Variants in IL1RAPL2 observed in about 807,000 individuals in gnomAD.
The protein encoded by IL1RAPL2 is interleukin 1 receptor accessory protein like 2.
Under a neutral mutation model 44.1 loss-of-function variants are expected in IL1RAPL2, and 3 were observed. The ratio of observed to expected loss-of-function variants is 0.07; its 90% CI spans 0.03 to 0.18. The LOEUF (loss-of-function observed/expected upper bound fraction) is 0.18. IL1RAPL2 is among the 10% of genes least tolerant of loss of function. The pLI, the probability that IL1RAPL2 is intolerant of heterozygous loss-of-function variation, is 1.00. For missense variants in IL1RAPL2, 391 were observed against 496.4 expected (o/e 0.79, Z 2.02); for synonymous variants, 181 against 178.8 (o/e 1.01, Z -0.10).
intron 6 of IL1RAPL2, among the ~76,000 whole-genome samples, chrX:105,629,205 A>G (rs1449000756): frequency 9.0e-6 from 1 of 111,582 alleles, no homozygotes; most frequent in African/African-American, 3.3e-5. Context: ...TGGGCTTAGA[A>G]GCAGTAGGTT....
intron 1 of IL1RAPL2, among the ~76,000 whole-genome samples, chrX:104,606,285 ACT>A (rs1929008375): frequency 9.0e-6 from 1 of 111,471 alleles, no homozygotes; most frequent in Non-Finnish European, 1.9e-5. Context: ...CATGCTAAAA[ACT>A]CTCAATAAAT....
intron 2 of IL1RAPL2, among the ~76,000 whole-genome samples, chrX:104,676,893 G>T (rs966067451): frequency 9.0e-6 from 1 of 110,916 alleles, no homozygotes. Flanking sequence ...TGATCACATC[G>T]GCTCTTGAGG....
chrX:104,717,832 A>G (rs1271215963), intron 2 of IL1RAPL2, among the ~76,000 whole-genome samples: 1 of 104,076 alleles, frequency 9.6e-6, no homozygotes, highest in East Asian at 3.0e-4. Context: ...TTCAATTCCC[A>G]CCTATGAGTG....
chrX:105,182,802 A>G lies in IL1RAPL2; in HGVS notation c.83-12673A>G, dbSNP rs1210027237. Reference sequence around the variant, plus strand: ...TGGATAGGATCTTGGACTCCTGGCCAGCATGTGTGGCATCAGCAATAATAG... The same window carrying G: ...TGGATAGGATCTTGGACTCCTGGCCGGCATGTGTGGCATCAGCAATAATAG... On this transcript the variant is annotated intron_variant, in intron 2 of 10. Coordinates refer to ENST00000372582, the MANE Select transcript of IL1RAPL2 (RefSeq NM_017416.2). 3.6e-5 allele frequency among the ~76,000 whole-genome samples: 4 copies of G among 111,277 alleles called. No homozygotes were observed. The East Asian group carries it at 8.5e-4, about 24-fold the overall frequency.
intron 2 of IL1RAPL2, among the ~76,000 whole-genome samples, chrX:104,855,263 A>G (rs1211673059): frequency 1.8e-5 from 2 of 111,752 alleles, no homozygotes; most frequent in Non-Finnish European, 3.8e-5. Flanking sequence ...TCAGGATTCC[A>G]GGGCGATAGA....
intron 2 of IL1RAPL2, among the ~76,000 whole-genome samples, chrX:105,060,871 T>C (rs1200266064): frequency 9.0e-6 from 1 of 110,776 alleles, no homozygotes; most frequent in Non-Finnish European, 1.9e-5. Context: ...TCCTTTAAAT[T>C]TCTGCAGTAT....
rs55638866 is a variant in IL1RAPL2, at chrX:105,076,293, G to T, written c.83-119182G>T. Among the ~76,000 whole-genome samples the T allele has an allele frequency of 1.2e-4, 13 of 110,854 alleles. 1 individual carries two copies. The East Asian group carries it at 3.7e-3, about 31-fold the overall frequency. On this transcript the variant is annotated intron_variant, in intron 2 of 10. Transcript: ENST00000372582. Reference sequence around the variant, plus strand: ...ACATCTTTATTTCTGCCTTCATTTCGTTATGTAGCCAGTAGTCATTCAGGA... The same window carrying T: ...ACATCTTTATTTCTGCCTTCATTTCTTTATGTAGCCAGTAGTCATTCAGGA...
intron 5 of IL1RAPL2, among the ~76,000 whole-genome samples, chrX:105,338,592 A>G (rs1190650077): frequency 3.6e-5 from 4 of 111,921 alleles, no homozygotes; most frequent in African/African-American, 1.3e-4. Flanking sequence ...TTATCATAGC[A>G]TTGCATATAG....
At chrX:104,980,261 C>T (rs1003427244) in intron 2 of IL1RAPL2, among the ~76,000 whole-genome samples, 8 of 111,515 alleles carry the variant, frequency 7.2e-5, no homozygotes, top group South Asian at 3.7e-4. Context: ...CAAAGAAAAA[C>T]ATGAATATAT....
intron 6 of IL1RAPL2, among the ~76,000 whole-genome samples, chrX:105,697,114 T>C (rs1454356736): frequency 2.7e-5 from 3 of 110,053 alleles, no homozygotes; most frequent in Non-Finnish European, 5.7e-5. Context: ...CATGAACTAA[T>C]AGAGCTCTCG....
At chrX:105,702,860 GT>G (rs749603618) in intron 6 of IL1RAPL2, among the ~76,000 whole-genome samples, 4 of 111,853 alleles carry the variant, frequency 3.6e-5, no homozygotes, top group Non-Finnish European at 5.7e-5. Flanking sequence ...AGATGATCTG[GT>G]TGTAAGGATC....
At chrX:105,681,535 A>G (rs2037925519) in intron 6 of IL1RAPL2, among the ~76,000 whole-genome samples, 1 of 112,402 alleles carries the variant, frequency 8.9e-6, no homozygotes. Context: ...AGGCGGGTAG[A>G]TCACCTGAGG....
chrX:105,000,093 A>G (rs1001432398), intron 2 of IL1RAPL2, among the ~76,000 whole-genome samples: 1 of 110,628 alleles, frequency 9.0e-6, no homozygotes, highest in East Asian at 2.9e-4. Flanking sequence ...AAGCCTTTAT[A>G]GATTCAATCC....
At chrX:104,909,031 C>CT (rs1448861398) in intron 2 of IL1RAPL2, among the ~76,000 whole-genome samples, 1 of 110,410 alleles carries the variant, frequency 9.1e-6, no homozygotes. Context: ...TTCTTGGAGG[C>CT]TTTGCTCATT....
At chrX:104,713,611 A>G (rs1264406878) in intron 2 of IL1RAPL2, among the ~76,000 whole-genome samples, 1 of 110,891 alleles carries the variant, frequency 9.0e-6, no homozygotes, top group East Asian at 2.8e-4. Flanking sequence ...ATATATATAT[A>G]TATGTAGAAT....
At chrX:105,449,802 G>A (rs980680321) in intron 5 of IL1RAPL2, among the ~76,000 whole-genome samples, 1 of 111,394 alleles carries the variant, frequency 9.0e-6, no homozygotes, top group South Asian at 3.8e-4. Context: ...GCAGAGACTC[G>A]TTCCTTTTCC....
intron 2 of IL1RAPL2, among the ~76,000 whole-genome samples, chrX:104,889,989 C>CT (rs1923373679): frequency 1.8e-5 from 2 of 110,731 alleles, no homozygotes; most frequent in Non-Finnish European, 3.8e-5. Context: ...GTGATGTTCC[C>CT]CTTCCTGTGT....
intron 6 of IL1RAPL2, among the ~76,000 whole-genome samples, chrX:105,586,566 A>G (rs1387052178): frequency 9.0e-6 from 1 of 111,629 alleles, no homozygotes; most frequent in Non-Finnish European, 1.9e-5. Flanking sequence ...TTTAATCTGT[A>G]CCTGTGATTA....
At chrX:105,655,011 T>G (rs2037668107) in intron 6 of IL1RAPL2, among the ~76,000 whole-genome samples, 1 of 112,136 alleles carries the variant, frequency 8.9e-6, no homozygotes, top group South Asian at 3.7e-4. Context: ...TTCAAGAAAT[T>G]TTAGATTTGG....
Sources: allele counts gnomAD v4.1 joint callset (sites outside exome capture counted in the v4.1 genomes callset), GRCh38; gene constraint gnomAD v4.1.1; transcripts MANE v1.5; gene names NCBI Gene and HGNC (gene_info 2026-07-23, HGNC 2026-07-21).